The following IGF1R variants were observed in gnomAD, a reference collection of about 807,000 sequenced individuals.
The protein encoded by IGF1R is insulin-like growth factor 1 receptor.
Under a neutral mutation model 144.6 loss-of-function variants are expected in IGF1R, and 44 were observed. That is an observed-to-expected ratio of 0.30 (90% CI 0.24 to 0.39). The LOEUF is 0.39. IGF1R is among the 10% of genes least tolerant of loss of function. The pLI, the probability that IGF1R is intolerant of heterozygous loss-of-function variation, is 1.00. For missense variants in IGF1R, 1,355 were observed against 1,833.7 expected (o/e 0.74, Z 4.77); for synonymous variants, 795 against 722.8 (o/e 1.10, Z -1.60).
At position 98,704,229 on chromosome 15, in the gene IGF1R, CGAGAA is replaced by C. The variant is rs1365208750; in HGVS notation, c.95-3327_95-3323del. Among the ~76,000 whole-genome samples, 2 of 151,368 alleles carry C rather than the reference CGAGAA, an allele frequency of 1.3e-5. No individual in the cohort carries two copies. Among genetic ancestry groups the C allele is most frequent in the Non-Finnish European group, 2.9e-5 (2 of 67,948 alleles). Reference sequence around the variant, plus strand: ...TATATAAAATGACTTTTTAGAGAAGCGAGAAGAGAAATGAGAGGTAGGGGAGGGAG... The same window carrying C: ...TATATAAAATGACTTTTTAGAGAAGCGAGAAATGAGAGGTAGGGGAGGGAG... On this transcript the variant is annotated intron_variant, in intron 1 of 20. Transcript: ENST00000650285. The surrounding 1 kb of genome is among the most constrained non-coding windows in gnomAD (Gnocchi z 4.9).
intron 20 of IGF1R, among the ~76,000 whole-genome samples, chr15:98,953,462 C>T (rs2016856548): frequency 6.6e-6 from 1 of 152,162 alleles, no homozygotes; most frequent in Non-Finnish European, 1.5e-5. Flanking sequence ...GTATTTATGC[C>T]ACAGATACTG....
chr15:98,932,350 C>G (rs1212475293), intron 15 of IGF1R, among the ~76,000 whole-genome samples: 2 of 152,144 alleles, frequency 1.3e-5, no homozygotes. Flanking sequence ...ACTTCTTTTT[C>G]CCAAAGCTAT....
At chr15:98,725,891 A>C (rs539146887) in intron 2 of IGF1R, among the ~76,000 whole-genome samples, 2 of 152,328 alleles carry the variant, frequency 1.3e-5, no homozygotes, top group East Asian at 1.9e-4. Flanking sequence ...ATCTCGTCAG[A>C]CTTATTCACT....
chr15:98,810,077 T>TAC (rs2056553175), intron 2 of IGF1R, among the ~76,000 whole-genome samples: 1 of 144,314 alleles, frequency 6.9e-6, no homozygotes, highest in African/African-American at 2.5e-5. Flanking sequence ...TGAAGGCTGC[T>TAC]ACACACCCAG....
chr15:98,960,794 C>G lies in IGF1R; in HGVS notation c.*3352C>G, dbSNP rs566734129. On this transcript the variant is annotated 3_prime_UTR_variant, in exon 21 of 21. Coordinates refer to ENST00000650285, the MANE Select transcript of IGF1R (RefSeq NM_000875.5). ...GCAGGAGCAGAGTCCCCTCCCCCTC[C>G]AGGCTGCCCTCTCAACTTCTCCCTC... The G allele has an allele frequency of 4.3e-6, 1 of 233,916 alleles. No individual in the cohort carries two copies. Among genetic ancestry groups the G allele is most frequent in the Admixed American group, 5.6e-5 (1 of 17,802 alleles). The allele number at this position is 233,916 out of a possible 1,614,324, so 14.5% of individuals were successfully genotyped here. A position where few individuals can be genotyped will look rare whatever the true frequency, so the allele number is the denominator to read the frequency against.
At chr15:98,840,751 C>G (rs529715536) in intron 2 of IGF1R, among the ~76,000 whole-genome samples, 1 of 150,792 alleles carries the variant, frequency 6.6e-6, no homozygotes, top group East Asian at 2.0e-4. Context: ...TCTCAGCTCA[C>G]TGCAGCCTCT....
In IGF1R at chr15:98,911,357, A is replaced by G; in HGVS notation, c.1505A>G (p.Lys502Arg). The change falls in exon 7 of 21, where the codon AAG becomes AGG. Residue 502 changes from lysine (K) to arginine (R), a missense_variant. By Grantham distance (26) the Lys-to-Arg change is conservative. Coordinates refer to ENST00000650285, the MANE Select transcript of IGF1R (RefSeq NM_000875.5). ...VLHFTSTTTSKNRIIITWHRY... is the reference protein window; with the variant it reads ...VLHFTSTTTSRNRIIITWHRY... ...CATTTCACCTCCACCACCACGTCGAAGAATCGCATCATCATAACCTGGCAC... is the reference window on the plus strand; with the variant it reads ...CATTTCACCTCCACCACCACGTCGAGGAATCGCATCATCATAACCTGGCAC... 1.2e-6 allele frequency: 2 copies of G among 1,614,154 alleles called. No homozygotes were observed. The highest frequency in any genetic ancestry group is 1.7e-6 in the Non-Finnish European group (2 of 1,180,020).
chr15:98,699,622 G>A (rs958706479), intron 1 of IGF1R, among the ~76,000 whole-genome samples: 40 of 152,270 alleles, frequency 2.6e-4, no homozygotes, highest in African/African-American at 9.4e-4. Flanking sequence ...GGACACTGGG[G>A]CTTGTGTTCC....
At position 98,752,930 on chromosome 15, in the gene IGF1R, CTATT is replaced by C. The variant is rs1352544684; in HGVS notation, c.640+44825_640+44828del. 1.1e-4 allele frequency among the ~76,000 whole-genome samples: 14 copies of C among 130,450 alleles called. 1 individual carries two copies. Among genetic ancestry groups the C allele is most frequent in the South Asian group, 5.0e-4 (2 of 3,978 alleles). 85.6% of individuals were successfully genotyped at this position (130,450 alleles called of 152,430 possible). ...ATATGTTTAGGGCTGGAAAATCATACTATTTTTTTTTTTTTTTTTTTTTGAGATG... is the reference window on the plus strand; with the variant it reads ...ATATGTTTAGGGCTGGAAAATCATACTTTTTTTTTTTTTTTTTTTGAGATG... On this transcript the variant is annotated intron_variant, in intron 2 of 20. Coordinates refer to ENST00000650285, the MANE Select transcript of IGF1R (RefSeq NM_000875.5).
At position 98,780,562 on chromosome 15, in the gene IGF1R, AAAAAAAAAAAAAAGAGAG is replaced by A. The variant is rs1176415805; in HGVS notation, c.640+72457_640+72474del. 2.7e-3 allele frequency among the ~76,000 whole-genome samples: 65 copies of A among 24,238 alleles called. 7 individuals carry two copies. The highest frequency in any genetic ancestry group is 0.023 in the South Asian group (13 of 560). The allele number at this position is 24,238 out of a possible 152,430, so 15.9% of individuals were successfully genotyped here. A position where few individuals can be genotyped will look rare whatever the true frequency, so the allele number is the denominator to read the frequency against. The stretch of plus-strand genomic sequence containing the variant: ...GAAACTCTGTCTCAAAAAAAAAAAA[AAAAAAAAAAAAAAGAGAG>A]AGAGAGTAAATAAAATTGTAAGGTG... On this transcript the variant is annotated intron_variant, in intron 2 of 20. Transcript: ENST00000650285.
At chr15:98,920,679 C>A (rs1291692091) in intron 10 of IGF1R, among the ~76,000 whole-genome samples, 3 of 152,162 alleles carry the variant, frequency 2.0e-5, no homozygotes, top group Non-Finnish European at 4.4e-5. Flanking sequence ...CCTTACCCTT[C>A]CTCCCCCAGT....
Position 98,707,767 on chromosome 15 carries a change from C to T in IGF1R, c.300C>T (p.Phe100=), listed in dbSNP as rs764931907. The T allele has an allele frequency of 3.7e-5, 60 of 1,614,106 alleles. No individual in the cohort carries two copies. Among genetic ancestry groups the T allele is most frequent in the Non-Finnish European group, 4.7e-5 (56 of 1,180,046 alleles). The change falls in exon 2 of 21, where the codon TTC becomes TTT. Residue 100 remains phenylalanine, a synonymous_variant. Transcript: ENST00000650285. This position sits in a 1 kb window ranked among gnomAD's most constrained non-coding sequence, Gnocchi z 6.7. ...VAGLESLGDL[F]PNLTVIRGWK... is the part of the protein sequence containing the mutation. ...GCCTCGAGAGCCTCGGAGACCTCTT[C>T]CCCAACCTCACGGTCATCCGCGGCT...
intron 2 of IGF1R, among the ~76,000 whole-genome samples, chr15:98,830,603 A>ACCTTTTTTTTTTTTTTTTTT (rs949484748): frequency 7.5e-6 from 1 of 133,722 alleles, no homozygotes; most frequent in African/African-American, 3.3e-5. Flanking sequence ...TCTGATCATC[A>ACCTTTTTTTTTTTTTTTTTT]TCTTTTTTTT....
intron 2 of IGF1R, among the ~76,000 whole-genome samples, chr15:98,818,014 A>G (rs2056730429): frequency 1.3e-5 from 2 of 152,176 alleles, no homozygotes; most frequent in Non-Finnish European, 2.9e-5. Context: ...GCAAACAGCT[A>G]CCTTCTCACT....
chr15:98,722,044 C>T (rs1464895318), intron 2 of IGF1R, among the ~76,000 whole-genome samples: 2 of 152,174 alleles, frequency 1.3e-5, no homozygotes, highest in African/African-American at 4.8e-5. Flanking sequence ...TGTGTCTTTG[C>T]AGGTTTCCTT....
intron 2 of IGF1R, among the ~76,000 whole-genome samples, chr15:98,857,957 C>T (rs2011924206): frequency 6.6e-6 from 1 of 152,180 alleles, no homozygotes; most frequent in South Asian, 2.1e-4. Flanking sequence ...TCTAATTGTA[C>T]ACATTTCCTG....
intron 2 of IGF1R, among the ~76,000 whole-genome samples, chr15:98,790,563 G>A (rs1448271682): frequency 6.6e-6 from 1 of 152,084 alleles, no homozygotes; most frequent in African/African-American, 2.4e-5. Context: ...CTCTGGGCGT[G>A]TTGTTTTTAT....
At chr15:98,769,517 A>T (rs1372476029) in intron 2 of IGF1R, among the ~76,000 whole-genome samples, 1 of 152,208 alleles carries the variant, frequency 6.6e-6, no homozygotes, top group African/African-American at 2.4e-5. Context: ...AGAAGACACT[A>T]TGTCATCATG....
rs1222289207 is a variant in IGF1R, at chr15:98,908,715, G to A, written c.1278G>A (p.Gln426=). ...GNYSFYVLDN[Q]NLQQLWDWDH... ...ACTCCTTCTACGTCCTCGACAACCAGAACTTGCAGCAACTGTGGGACTGGG... is the reference window on the plus strand; with the variant it reads ...ACTCCTTCTACGTCCTCGACAACCAAAACTTGCAGCAACTGTGGGACTGGG... The change falls in exon 6 of 21, where the codon CAG becomes CAA. Residue 426 remains glutamine, a synonymous_variant. Transcript: ENST00000650285. The A allele has an allele frequency of 6.2e-7, 1 of 1,614,114 alleles. No individual in the cohort carries two copies. The highest frequency in any genetic ancestry group is 8.5e-7 in the Non-Finnish European group (1 of 1,180,000).
Sources: gnomAD v4.1 joint callset for allele counts (sites outside exome capture counted in the v4.1 genomes callset) on GRCh38, gnomAD v4.1.1 for gene constraint, Gnocchi (gnomAD v3.1) non-coding constraint, MANE v1.5 for transcripts, NCBI Gene and HGNC (gene_info 2026-07-23, HGNC 2026-07-21) for gene names.